Variants in HIP1 observed in about 807,000 individuals in gnomAD.
HIP1 encodes the protein huntingtin-interacting protein 1.
HIP1 carries 65 observed loss-of-function variants against 147.6 expected under a neutral mutation model. The ratio of observed to expected loss-of-function variants is 0.44; its 90% CI spans 0.36 to 0.54. The LOEUF is 0.54. Among genes scored for constraint, HIP1 ranks in the 20% least tolerant of loss-of-function variants. The probability of loss-of-function intolerance (pLI) is 0.00; values close to 1 mark genes in which losing one functional copy is unlikely to be tolerated. For missense variants in HIP1, 1,061 were observed against 1,299.6 expected (o/e 0.82, Z 2.82); for synonymous variants, 479 against 504.0 (o/e 0.95, Z 0.67).
chr7:75,543,279 C>G (rs1421293230), intron 27 of HIP1, among the ~76,000 whole-genome samples: 6 of 152,120 alleles, frequency 3.9e-5, no homozygotes, highest in African/African-American at 1.4e-4. Context: ...CTCTGGGATA[C>G]TGTGAAACTC....
chr7:75,539,293 G>A, intron 30 of HIP1, 30 bp downstream of exon 30: 8 of 1,523,016 alleles, frequency 5.3e-6, no homozygotes, highest in African/African-American at 1.4e-5. Flanking sequence ...CCCTGCTGCG[G>A]GTTAGTGCCC....
Position 75,690,804 on chromosome 7 carries a change from G to A in HIP1, c.120+47997C>T, listed in dbSNP as rs1277753550. On this transcript the variant is annotated intron_variant, in intron 1 of 30. Coordinates refer to ENST00000336926, the MANE Select transcript of HIP1 (RefSeq NM_005338.7). The stretch of plus-strand genomic sequence containing the variant: ...TTGAACCCGGGAGGCAGAGGTTGCA[G>A]TGAGCCGAGATCGCGCCATTTGCAC... Among the ~76,000 whole-genome samples the A allele has an allele frequency of 1.1e-4, 16 of 151,742 alleles. 1 individual carries two copies. The highest frequency in any genetic ancestry group is 5.9e-5 in the Non-Finnish European group (4 of 67,930).
chr7:75,589,718 CTT>C (rs1554500331), intron 4 of HIP1, among the ~76,000 whole-genome samples: 1 of 93,424 alleles, frequency 1.1e-5, no homozygotes, highest in Non-Finnish European at 2.1e-5. Flanking sequence ...AAAAAAAAGA[CTT>C]TTTTTTTGGG....
intron 1 of HIP1, among the ~76,000 whole-genome samples, chr7:75,652,416 T>A (rs1335436627): frequency 6.6e-6 from 1 of 152,078 alleles, no homozygotes; most frequent in Non-Finnish European, 1.5e-5. Context: ...TCATCTGGAG[T>A]GCAGTGGTGC....
chr7:75,672,500 T>C (rs1554515445), intron 1 of HIP1, among the ~76,000 whole-genome samples: 1 of 151,998 alleles, frequency 6.6e-6, no homozygotes, highest in Non-Finnish European at 1.5e-5. Context: ...TTAATTTCTG[T>C]ATTTTTTTGT....
chr7:75,623,428 G>C (rs1293308740), intron 1 of HIP1, among the ~76,000 whole-genome samples: 1 of 152,180 alleles, frequency 6.6e-6, no homozygotes, highest in African/African-American at 2.4e-5. Context: ...GAGGACGGGA[G>C]AGTGGCAGGG....
chr7:75,640,965 G>T (rs973013947), intron 1 of HIP1, among the ~76,000 whole-genome samples: 1 of 151,778 alleles, frequency 6.6e-6, no homozygotes, highest in Non-Finnish European at 1.5e-5. Context: ...CGATGAAATT[G>T]GGACTCTATC....
chr7:75,714,321 G>A (rs540976128), intron 1 of HIP1, among the ~76,000 whole-genome samples: 67 of 152,222 alleles, frequency 4.4e-4, no homozygotes, highest in Admixed American at 7.2e-4. Flanking sequence ...TGACAGGCGT[G>A]AGCCGCCGCG....
chr7:75,647,378 A>ACAGAGAG (rs1798834605), intron 1 of HIP1, among the ~76,000 whole-genome samples: 1 of 152,154 alleles, frequency 6.6e-6, no homozygotes, highest in South Asian at 2.1e-4. Flanking sequence ...AGCCTGGGTG[A>ACAGAGAG]CAGAGAGAGA....
At chr7:75,716,206 C>T (rs1362632284) in intron 1 of HIP1, among the ~76,000 whole-genome samples, 1 of 152,084 alleles carries the variant, frequency 6.6e-6, no homozygotes, top group South Asian at 2.1e-4. Flanking sequence ...AAACAATCAT[C>T]ACCAATCTAC....
At chr7:75,563,446 C>T (rs1475215138) in intron 9 of HIP1, 183 bp from the exon 10 acceptor site, 5 of 594,152 alleles carry the variant, frequency 8.4e-6, no homozygotes, top group African/African-American at 1.9e-5. Context: ...AGCTGGTCCT[C>T]AGTGACCTGC....
rs587717755 is a variant in HIP1, at chr7:75,610,965, G to T, written c.121-11718C>A. 2.7e-3 allele frequency among the ~76,000 whole-genome samples: 402 copies of T among 150,320 alleles called. 2 individuals are homozygous for T. Among genetic ancestry groups the T allele is most frequent in the Middle Eastern group, 7.0e-3 (2 of 286 alleles). On this transcript the variant is annotated intron_variant, in intron 1 of 30. Coordinates refer to ENST00000336926, the MANE Select transcript of HIP1 (RefSeq NM_005338.7). Reference sequence around the variant, plus strand: ...TTGTCTCCCAAGCTGGAGTGCAGTGGTGTGAGCTTGGCTCACTGCAACCTC... The same window carrying T: ...TTGTCTCCCAAGCTGGAGTGCAGTGTTGTGAGCTTGGCTCACTGCAACCTC...
At chr7:75,652,263 G>A (rs1554512096) in intron 1 of HIP1, among the ~76,000 whole-genome samples, 1 of 150,224 alleles carries the variant, frequency 6.7e-6, no homozygotes, top group African/African-American at 2.5e-5. Context: ...GTTGCAGTGA[G>A]CTGAGATTGC....
At chr7:75,607,874 C>T (rs1225929252) in intron 1 of HIP1, among the ~76,000 whole-genome samples, 2 of 151,986 alleles carry the variant, frequency 1.3e-5, no homozygotes, top group South Asian at 2.1e-4. Context: ...CACAGAGACA[C>T]GATCAGAATC....
intron 1 of HIP1, among the ~76,000 whole-genome samples, chr7:75,686,117 T>C (rs913721101): frequency 3.3e-5 from 5 of 151,888 alleles, no homozygotes; most frequent in Admixed American, 3.3e-4. Flanking sequence ...CTTGAACTCC[T>C]GGCCTCAAGT....
At chr7:75,682,011 A>AC (rs1800093226) in intron 1 of HIP1, among the ~76,000 whole-genome samples, 1 of 144,684 alleles carries the variant, frequency 6.9e-6, no homozygotes, top group Non-Finnish European at 1.5e-5. Flanking sequence ...ATCTAAGGCA[A>AC]CAACCTCTTT....
chr7:75,632,284 A>T (rs1798253250), intron 1 of HIP1, among the ~76,000 whole-genome samples: 3 of 152,142 alleles, frequency 2.0e-5, no homozygotes, highest in Admixed American at 6.6e-5. Flanking sequence ...GGCCTACGTA[A>T]AAAGGGGGTA....
chr7:75,636,864 GGCCCCAAAC>G (rs1798443143), intron 1 of HIP1, among the ~76,000 whole-genome samples: 1 of 152,148 alleles, frequency 6.6e-6, no homozygotes, highest in Admixed American at 6.6e-5. Context: ...TTGCTGGTCT[GGCCCCAAAC>G]AACCATCTCG....
chr7:75,592,635 G>C, intron 2 of HIP1, 121 bp from the exon 3 acceptor site: 4 of 1,018,610 alleles, frequency 3.9e-6, no homozygotes, highest in Non-Finnish European at 5.6e-6. Flanking sequence ...GATAGAGGCT[G>C]CACCCAGCCA....
Sources: gnomAD v4.1 joint callset for allele counts (sites outside exome capture counted in the v4.1 genomes callset) on GRCh38, gnomAD v4.1.1 for gene constraint, MANE v1.5 for transcripts, NCBI Gene and HGNC (gene_info 2026-07-23, HGNC 2026-07-21) for gene names.